Variants in ATCAY observed in about 807,000 individuals in gnomAD.
ATCAY encodes caytaxin.
A neutral mutation model predicts 47.7 loss-of-function variants in ATCAY; 22 were observed. The ratio of observed to expected loss-of-function variants is 0.46; its 90% CI spans 0.33 to 0.66. The LOEUF (loss-of-function observed/expected upper bound fraction) is 0.66. Among genes scored for constraint, ATCAY ranks in the 30% least tolerant of loss-of-function variants. The pLI, the probability that ATCAY is intolerant of heterozygous loss-of-function variation, is 0.02. For missense variants in ATCAY, 452 were observed against 515.0 expected, an observed-to-expected ratio of 0.88 and a Z score of 1.18; for synonymous variants, 216 against 207.6, an observed-to-expected ratio of 1.04 and a Z score of -0.35.
chr19:3,920,643 A>G (rs900751846), intron 11 of ATCAY, 123 bp from the exon 12 acceptor site: 12 of 819,156 alleles, frequency 1.5e-5, no homozygotes, highest in Non-Finnish European at 2.0e-5. Context: ...GCACCCAGCC[A>G]AGACCCTGTA....
intron 2 of ATCAY, among the ~76,000 whole-genome samples, chr19:3,891,995 T>G (rs570188006): frequency 6.6e-6 from 1 of 152,006 alleles, no homozygotes; most frequent in Non-Finnish European, 1.5e-5. Context: ...GTTCCAGCAA[T>G]TCTCCTGCCT....
chr19:3,890,558 C>T (rs757072204), intron 2 of ATCAY, among the ~76,000 whole-genome samples: 23 of 152,100 alleles, frequency 1.5e-4, no homozygotes, highest in Non-Finnish European at 2.6e-4. Context: ...CCACCACACC[C>T]GGCCTCCACC....
intron 2 of ATCAY, among the ~76,000 whole-genome samples, chr19:3,896,519 G>A (rs112393383): frequency 0.31 from 46,479 of 148,704 alleles, 8,548 homozygotes; most frequent in Middle Eastern, 0.43. Context: ...CACCTGCCTC[G>A]GCCTCCCAAA....
intron 2 of ATCAY, among the ~76,000 whole-genome samples, chr19:3,889,556 C>T (rs80166036): frequency 0.23 from 34,695 of 151,978 alleles, 4,806 homozygotes; most frequent in African/African-American, 0.38. Context: ...ATCACACCAC[C>T]GCACTCCAGC....
intron 2 of ATCAY, among the ~76,000 whole-genome samples, chr19:3,892,153 G>A (rs867300768): frequency 6.6e-6 from 1 of 151,282 alleles, no homozygotes; most frequent in Non-Finnish European, 1.5e-5. Flanking sequence ...GCTTCCCAAA[G>A]TGCTGGGATT....
chr19:3,885,871 C>T (rs1204709013), intron 2 of ATCAY, 27 bp downstream of exon 2: 2 of 1,548,648 alleles, frequency 1.3e-6, no homozygotes, highest in African/African-American at 2.7e-5. Context: ...CCTGAGTCAA[C>T]CGTTGGGGGA....
intron 7 of ATCAY, 72 bp downstream of exon 7, chr19:3,909,689 A>G (rs2038906533): frequency 6.5e-7 from 1 of 1,535,034 alleles, no homozygotes; most frequent in Admixed American, 2.0e-5. Flanking sequence ...ATGGTGGCTC[A>G]CACCTGGAAT....
rs1018000611 is a variant in ATCAY at position 3,925,530 on chromosome 19, C to T, written c.*938C>T. On this transcript the variant is annotated 3_prime_UTR_variant, in exon 13 of 13. Coordinates refer to ENST00000450849, the MANE Select transcript of ATCAY (RefSeq NM_033064.5). The surrounding 1 kb of genome is among the most constrained non-coding windows in gnomAD (Gnocchi z 4.4). The stretch of plus-strand genomic sequence containing the variant: ...GCGTTTGAGTGTTTCAGAAGTCATT[C>T]GGGAAGATAAATCCAGTGCGCTGGC... 13 of 152,314 alleles carry T rather than the reference C, an allele frequency of 8.5e-5. No individual in the cohort carries two copies. Among genetic ancestry groups the T allele is most frequent in the African/African-American group, 2.6e-4 (11 of 41,578 alleles). The allele number at this position is 152,314 out of a possible 1,614,324, so 9.4% of individuals were successfully genotyped here.
chr19:3,896,282 T>C (rs931161354), intron 2 of ATCAY, among the ~76,000 whole-genome samples: 1 of 145,418 alleles, frequency 6.9e-6, no homozygotes, highest in Non-Finnish European at 1.5e-5. Flanking sequence ...TTTTTTTTTT[T>C]CTCGAGACAG....
intron 9 of ATCAY, among the ~76,000 whole-genome samples, chr19:3,916,681 A>T (rs2038968840): frequency 6.6e-6 from 1 of 151,902 alleles, no homozygotes; most frequent in Non-Finnish European, 1.5e-5. Context: ...TTTTTAGTAG[A>T]GATGGGGTTT....
At chr19:3,897,042 G>A (rs187120224) in intron 2 of ATCAY, among the ~76,000 whole-genome samples, 2 of 151,992 alleles carry the variant, frequency 1.3e-5, no homozygotes, top group Non-Finnish European at 2.9e-5. Context: ...CTCCCAAAGC[G>A]CTGGGATTAC....
intron 2 of ATCAY, among the ~76,000 whole-genome samples, chr19:3,896,059 C>A (rs2038767057): frequency 6.6e-6 from 1 of 151,974 alleles, no homozygotes; most frequent in African/African-American, 2.4e-5. Context: ...GCTGTGTGGG[C>A]CAGGCTTGTC....
Position 3,918,827 on chromosome 19 carries a change from T to G in ATCAY, c.1023T>G (p.Phe341Leu). Reference protein sequence around the residue: ...RRESARPQPEFVLPRSEEKPE... With the variant: ...RRESARPQPELVLPRSEEKPE... ...ACAGCGCGAGGCCCCAGCCGGAGTT[T>G]GTGCTGCCCAGGTCTGAAGAGAAGC... Residue 341 changes from phenylalanine (F) to leucine (L), a missense_variant, in exon 11 of 13, where the codon TTT becomes TTG. Physicochemically the swap from Phe to Leu is conservative, Grantham distance 22. Transcript: ENST00000450849. 3.7e-6 allele frequency: 6 copies of G among 1,613,984 alleles called. No homozygotes were observed. Among genetic ancestry groups the G allele is most frequent in the Non-Finnish European group, 5.1e-6 (6 of 1,179,864 alleles).
intron 7 of ATCAY, 46 bp from the exon 8 acceptor site, chr19:3,910,757 G>A: frequency 6.2e-7 from 1 of 1,607,054 alleles, no homozygotes; most frequent in Non-Finnish European, 8.5e-7. Context: ...CCCTCCCCAG[G>A]GCTCGCCCCA....
rs776502708 is a variant in ATCAY at position 3,910,789 on chromosome 19, G to A, written c.780-14G>A. Reference sequence around the variant, plus strand: ...CCCAGGAGCCCATCTTGCTTCCTTTGCGGCCCCACACAGGTTGCGGAAAAA... The same window carrying A: ...CCCAGGAGCCCATCTTGCTTCCTTTACGGCCCCACACAGGTTGCGGAAAAA... On this transcript the variant is annotated splice_polypyrimidine_tract_variant and intron_variant, in intron 7 of 12. Transcript: ENST00000450849. 3.7e-6 allele frequency: 6 copies of A among 1,613,804 alleles called. No homozygotes were observed. In the African/African-American group the frequency reaches 8.0e-5, roughly 22 times the overall value.
chr19:3,903,353 C>T lies in ATCAY; in HGVS notation c.136+808C>T, dbSNP rs537817702. On this transcript the variant is annotated intron_variant, in intron 3 of 12. Coordinates refer to ENST00000450849, the MANE Select transcript of ATCAY (RefSeq NM_033064.5). ...AGATCCCGGGGATGGGAGTCCTGGGCGGCCAGAGGAGAGTTTTAGCCGTAA... is the reference window on the plus strand; with the variant it reads ...AGATCCCGGGGATGGGAGTCCTGGGTGGCCAGAGGAGAGTTTTAGCCGTAA... 1.0e-3 allele frequency among the ~76,000 whole-genome samples: 153 copies of T among 152,176 alleles called. 2 individuals carry two copies. Among genetic ancestry groups the T allele is most frequent in the Non-Finnish European group, 1.8e-3 (125 of 68,008 alleles).
rs959947399 is a variant in ATCAY, at chr19:3,926,157, T to C, written c.*1565T>C. The C allele has an allele frequency of 6.6e-6, 1 of 151,332 alleles. No homozygotes were observed. Among genetic ancestry groups the C allele is most frequent in the Non-Finnish European group, 1.5e-5 (1 of 67,954 alleles). 9.4% of individuals were successfully genotyped at this position (151,332 alleles called of 1,614,324 possible). On this transcript the variant is annotated 3_prime_UTR_variant, in exon 13 of 13. Transcript: ENST00000450849. ...CCCGTCTCTAATAAAAATACAAAAA[T>C]TAGCCGGGCATGGTGGTGCATGCCT...
At chr19:3,883,947 TC>T (rs936596367) in intron 1 of ATCAY, among the ~76,000 whole-genome samples, 2 of 150,862 alleles carry the variant, frequency 1.3e-5, no homozygotes, top group African/African-American at 4.9e-5. Context: ...CCCAGACTGC[TC>T]CCCCCTGCCC....
Position 3,908,357 on chromosome 19 carries a change from G to C in ATCAY, c.634G>C (p.Glu212Gln). The change falls in exon 6 of 13, where the codon GAG becomes CAG. Residue 212 changes from glutamate (E) to glutamine (Q), a missense_variant. Physicochemically the swap from Glu to Gln is conservative, Grantham distance 29 (BLOSUM62 2). Transcript: ENST00000450849. ...CCTCCCCGACTACCACTACATCATG[G>C]AGAACCTCTTCCTGTGAGTCCCCGC... ...SSLPDYHYIM[E>Q]NLFLYVISSL... The C allele has an allele frequency of 6.3e-7, 1 of 1,590,884 alleles. No homozygotes were observed. The highest frequency in any genetic ancestry group is 8.6e-7 in the Non-Finnish European group (1 of 1,168,488).
Sources: allele counts gnomAD v4.1 joint callset (sites outside exome capture counted in the v4.1 genomes callset), GRCh38; gene constraint gnomAD v4.1.1; non-coding constraint Gnocchi (gnomAD v3.1); transcripts MANE v1.5; gene names NCBI Gene and HGNC (gene_info 2026-07-23, HGNC 2026-07-21).